ACCS: variants seen among roughly 807,000 people sequenced by gnomAD.
ACCS encodes the protein 1-aminocyclopropane-1-carboxylate synthase-like protein 1.
In ACCS, 42 loss-of-function variants were observed where a neutral mutation model predicts 59.8. That is an observed-to-expected ratio of 0.70 (90% confidence interval 0.55 to 0.91). The LOEUF (loss-of-function observed/expected upper bound fraction) is 0.91, where lower values mean the gene tolerates loss of function less well. Among genes scored for constraint, ACCS ranks in the 40% least tolerant of loss-of-function variants. The pLI is 0.00. For synonymous variants in ACCS, 230 were observed against 240.3 expected (o/e 0.96, Z 0.40); for missense variants, 602 against 630.4 (o/e 0.95, Z 0.48).
In ACCS at chr11:44,081,316, C is replaced by G; in HGVS notation, c.1107C>G (p.Asp369Glu). The G allele has an allele frequency of 6.2e-7, 1 of 1,613,724 alleles. No homozygotes were observed. The highest frequency in any genetic ancestry group is 8.5e-7 in the Non-Finnish European group (1 of 1,179,714). The change falls in exon 12 of 15, where the codon GAC becomes GAG. Residue 369 changes from aspartate (D) to glutamate (E), a missense_variant. Coordinates refer to ENST00000263776, the MANE Select transcript of ACCS (RefSeq NM_032592.4). ...VQYQMAQLLRDRDWINQVYLP... is the reference protein window; with the variant it reads ...VQYQMAQLLRERDWINQVYLP... ...ACCAGATGGCACAGCTGCTCCGGGA[C>G]CGTGGTGACTGCCTGGGCCTGGTGA...
At chr11:44,075,264 C>T (rs997293305) in intron 5 of ACCS, among the ~76,000 whole-genome samples, 1 of 152,182 alleles carries the variant, frequency 6.6e-6, no homozygotes, top group Admixed American at 6.5e-5. Flanking sequence ...ATTTCCACCC[C>T]ATGTTGTTCT....
At chr11:44,079,675 T>C (rs1953550353) in intron 10 of ACCS, 55 bp downstream of exon 10, 23 of 1,527,294 alleles carry the variant, frequency 1.5e-5, no homozygotes, top group Non-Finnish European at 2.0e-5. Context: ...CACGGAGCCC[T>C]GGCCACTTTC....
At chr11:44,068,243 T>TA (rs1952884377) in intron 2 of ACCS, among the ~76,000 whole-genome samples, 1 of 152,164 alleles carries the variant, frequency 6.6e-6, no homozygotes, top group Non-Finnish European at 1.5e-5. Context: ...CTGTTTTACT[T>TA]ATAGGTTGTG....
At chr11:44,075,701 A>G in intron 6 of ACCS, 109 bp downstream of exon 6, 2 of 1,323,872 alleles carry the variant, frequency 1.5e-6, no homozygotes, top group South Asian at 1.3e-5. Context: ...GCACAATAGA[A>G]TATACTAGAC....
At chr11:44,083,099 C>G (rs1034696027) in intron 12 of ACCS, 70 bp from the exon 13 acceptor site, 9 of 1,579,012 alleles carry the variant, frequency 5.7e-6, no homozygotes, top group Middle Eastern at 1.7e-4. Flanking sequence ...TTCTTTACAG[C>G]ATTTAGACTA....
intron 13 of ACCS, 21 bp from the exon 14 acceptor site, chr11:44,083,403 G>C (rs1283806587): frequency 6.2e-7 from 1 of 1,613,924 alleles, no homozygotes; most frequent in Non-Finnish European, 8.5e-7. Context: ...GCTATGTCCT[G>C]AGCCCCTTCC....
Position 44,083,286 on chromosome 11 carries a change from T to C in ACCS, c.1229T>C (p.Phe410Ser), listed in dbSNP as rs767957741. Residue 410 changes from phenylalanine to serine, a missense_variant, in exon 13 of 15, where the codon TTC becomes TCC. Phe to Ser is a radical substitution (Grantham distance 155, BLOSUM62 -2). Coordinates refer to ENST00000263776, the MANE Select transcript of ACCS (RefSeq NM_032592.4). ...CCCTTCTTGAGTCGTGGGGCTGGCT[T>C]CTTCATCTGGGTTGACTTGAGAAAG... ...GIPFLSRGAG[F>S]FIWVDLRKYL... The C allele has an allele frequency of 9.3e-6, 15 of 1,613,904 alleles. No homozygotes were observed. The East Asian group carries it at 3.3e-4, about 36-fold the overall frequency.
At chr11:44,077,954 T>G in intron 8 of ACCS, 32 bp downstream of exon 8, 1 of 1,609,244 alleles carries the variant, frequency 6.2e-7, no homozygotes, top group Non-Finnish European at 8.5e-7. Flanking sequence ...TGAGGCTGGG[T>G]GTGGGTGGGT....
intron 5 of ACCS, 40 bp from the exon 6 acceptor site, chr11:44,075,486 G>C: frequency 6.2e-7 from 1 of 1,606,564 alleles, no homozygotes; most frequent in Non-Finnish European, 8.5e-7. Flanking sequence ...CACACTCCTG[G>C]AACTGGTTCA....
rs566939640 is a variant in ACCS at position 44,079,037 on chromosome 11, CTCATACAATCCTCACAACAATGCTA to C, written c.833+274_833+298del. The C allele has an allele frequency of 9.0e-3, 4,438 of 492,896 alleles. 188 individuals are homozygous for C. The highest frequency in any genetic ancestry group is 0.077 in the African/African-American group (4,006 of 51,998). 30.5% of individuals were successfully genotyped at this position (492,896 alleles called of 1,614,324 possible). ...GCACCATGCTAAGCACTTTATGTGC[CTCATACAATCCTCACAACAATGCTA>C]TCATACAATCCTCACAACAACCCTT... is the stretch of plus-strand genomic sequence containing the variant. On this transcript the variant is annotated intron_variant, in intron 9 of 14. Coordinates refer to ENST00000263776, the MANE Select transcript of ACCS (RefSeq NM_032592.4).
In ACCS at chr11:44,079,633, GAC is replaced by G. The variant is rs1953547711; in HGVS notation, c.923+17_923+18del. 6.3e-7 allele frequency: 1 copy of G among 1,597,608 alleles called. No individual in the cohort carries two copies. The highest frequency in any genetic ancestry group is 1.3e-5 in the African/African-American group (1 of 74,806). On this transcript the variant is annotated intron_variant, in intron 10 of 14. Coordinates refer to ENST00000263776, the MANE Select transcript of ACCS (RefSeq NM_032592.4). ...TAAGCCTGGAAAGGTGAGGCTCCCT[GAC>G]ACAGCTAACTCCCCCAGTCCCTATT...
chr11:44,070,295 A>G (rs1952990967), intron 2 of ACCS, among the ~76,000 whole-genome samples: 1 of 151,970 alleles, frequency 6.6e-6, no homozygotes, highest in Non-Finnish European at 1.5e-5. Context: ...GAGAGAGGGG[A>G]GGGAAGCTGT....
chr11:44,080,740 T>C (rs967986123), intron 10 of ACCS: 10 of 510,900 alleles, frequency 2.0e-5, no homozygotes, highest in African/African-American at 9.7e-5. Context: ...AAAGTCTCTT[T>C]GATGAGTGAC....
chr11:44,080,575 T>TGGTCGCCG, intron 10 of ACCS: 3 of 178,228 alleles, frequency 1.7e-5, no homozygotes, highest in South Asian at 1.3e-4. Flanking sequence ...GTGTAGAACT[T>TGGTCGCCG]TAATTTCTAG....
At chr11:44,070,936 T>C (rs1263016240) in intron 2 of ACCS, among the ~76,000 whole-genome samples, 1 of 152,176 alleles carries the variant, frequency 6.6e-6, no homozygotes, top group Non-Finnish European at 1.5e-5. Context: ...TCAGTCCCTG[T>C]GACCTGGGGT....
chr11:44,077,234 G>T, intron 6 of ACCS, 45 bp from the exon 7 acceptor site: 2 of 1,596,920 alleles, frequency 1.3e-6, no homozygotes, highest in Non-Finnish European at 1.7e-6. Flanking sequence ...GGTCTGGGGT[G>T]TTCTGGCCAG....
In ACCS at chr11:44,081,239, A is replaced by ACTGCCGTGGCTTCCCT. The variant is rs751043595; in HGVS notation, c.1037_1052dup (p.Tyr352GlyfsTer25). 7 of 1,614,242 alleles carry ACTGCCGTGGCTTCCCT rather than the reference A, an allele frequency of 4.3e-6. No homozygotes were observed. Among genetic ancestry groups the ACTGCCGTGGCTTCCCT allele is most frequent in the Non-Finnish European group, 5.9e-6 (7 of 1,180,042 alleles). ...GTACACAGAAAACCAGGATGTGGCC[A>ACTGCCGTGGCTTCCCT]CTGCCGTGGCTTCCCTCTGCCGCTA... is the stretch of plus-strand genomic sequence containing the variant. On this transcript the variant is annotated frameshift_variant, in exon 12 of 15. Coordinates refer to ENST00000263776, the MANE Select transcript of ACCS (RefSeq NM_032592.4). LOFTEE classifies it high-confidence loss of function.
At chr11:44,074,432 A>G (rs1953209978) in intron 4 of ACCS, among the ~76,000 whole-genome samples, 180 bp from the exon 5 acceptor site, 1 of 151,858 alleles carries the variant, frequency 6.6e-6, no homozygotes, top group African/African-American at 2.4e-5. Context: ...TCTGCAATGC[A>G]TGTGGGTACT....
rs769442179 is a variant in ACCS at position 44,067,898 on chromosome 11, G to A, written c.271G>A (p.Glu91Lys). 2 of 1,608,200 alleles carry A rather than the reference G, an allele frequency of 1.2e-6. No homozygotes were observed. Among genetic ancestry groups the A allele is most frequent in the South Asian group, 1.1e-5 (1 of 89,968 alleles). The change falls in exon 2 of 15, where the codon GAG (glutamate) becomes AAG (lysine). Residue 91 changes from glutamate to lysine, a missense_variant. Transcript: ENST00000263776. ...YRTYHMDEYD[E>K]DKNPSGIINL... ...GACCTACCACATGGATGAGTATGAT[G>A]AGGACAAGAACCCCAGTGTGAGTGA...
Sources: allele counts gnomAD v4.1 joint callset (sites outside exome capture counted in the v4.1 genomes callset), GRCh38; gene constraint gnomAD v4.1.1; transcripts MANE v1.5; gene names NCBI Gene and HGNC (gene_info 2026-07-23, HGNC 2026-07-21).